QSOX2: variants seen among roughly 807,000 people sequenced by gnomAD.
The protein encoded by QSOX2 is sulfhydryl oxidase 2.
A neutral mutation model predicts 61.7 loss-of-function variants in QSOX2; 46 were observed. The observed-to-expected ratio is 0.75, with a 90% CI of 0.59 to 0.95. QSOX2 has a LOEUF of 0.95. QSOX2 is among the 40% of genes least tolerant of loss of function. QSOX2 has a pLI of 0.00. For synonymous variants in QSOX2, 383 were observed against 388.4 expected, an observed-to-expected ratio of 0.99 and a Z score of 0.16; for missense variants, 879 against 918.9, an observed-to-expected ratio of 0.96 and a Z score of 0.56.
Position 136,245,535 on chromosome 9 carries a change from C to G in QSOX2, c.269G>C (p.Trp90Ser), listed in dbSNP as rs1165501289. ...CGCGTAGCCGATGCAGTGGCCACAC[C>G]ACGACGAGTAGAACTGCACGAGCCA... is the stretch of plus-strand genomic sequence containing the variant. ...AAWLVQFYSS[W>S]CGHCIGYAPT... Residue 90 changes from tryptophan to serine, a missense_variant, in exon 1 of 12, where the codon TGG (tryptophan) becomes TCG (serine). By Grantham distance (177) the Trp-to-Ser change is radical. Transcript: ENST00000358701. 2.5e-6 allele frequency: 4 copies of G among 1,593,654 alleles called. No homozygotes were observed. In the African/African-American group the frequency reaches 5.4e-5, roughly 22 times the overall value.
In QSOX2 at chr9:136,216,668, G is replaced by T; in HGVS notation, c.1141C>A (p.Leu381Met). The T allele has an allele frequency of 6.2e-7, 1 of 1,613,954 alleles. No individual in the cohort carries two copies. The highest frequency in any genetic ancestry group is 8.5e-7 in the Non-Finnish European group (1 of 1,179,980). The change falls in exon 9 of 12, where the codon CTG (leucine) becomes ATG (methionine). Residue 381 changes from leucine to methionine, a missense_variant. Transcript: ENST00000358701. ...ATCCTGTCCAGGGGAAGGCTGGCCA[G>T]CCACTCCTGCAGCATCTCCAACAGC... ...KKLLEMLQEW[L>M]ASLPLDRIPY...
chr9:136,211,300 A>G lies in QSOX2; in HGVS notation c.1513T>C (p.Trp505Arg). The G allele has an allele frequency of 6.2e-7, 1 of 1,614,200 alleles. No homozygotes were observed. The highest frequency in any genetic ancestry group is 8.5e-7 in the Non-Finnish European group (1 of 1,180,034). Residue 505 changes from tryptophan (W) to arginine (R), a missense_variant, in exon 11 of 12, where the codon TGG (tryptophan) becomes CGG (arginine). Trp to Arg is a moderately radical substitution (Grantham distance 101). Transcript: ENST00000358701. ...KTPDQAILWL[W>R]KKHNMVNGRL... ...CCGTTCACCATATTATGCTTCTTCCACAGCCAGAGGATGGCTTGGTCTGGG... is the reference window on the plus strand; with the variant it reads ...CCGTTCACCATATTATGCTTCTTCCGCAGCCAGAGGATGGCTTGGTCTGGG...
chr9:136,209,008 G>A lies in QSOX2; in HGVS notation c.1817C>T (p.Thr606Ile), dbSNP rs573715778. Reference protein sequence around the residue: ...PPEVSHGDRDTQSVRPPGALG... With the variant: ...PPEVSHGDRDIQSVRPPGALG... ...TGCACCAGGTGGACGGACGCTCTGG[G>A]TGTCTCGGTCTCCATGGGACACCTC... Residue 606 changes from threonine (T) to isoleucine (I), a missense_variant, in exon 12 of 12, where the codon ACC becomes ATC. Physicochemically the swap from Thr to Ile is moderately conservative, Grantham distance 89. Transcript: ENST00000358701. The surrounding 1 kb of genome is among the most constrained non-coding windows in gnomAD (Gnocchi z 5.6). 2 of 1,613,972 alleles carry A rather than the reference G, an allele frequency of 1.2e-6. No individual in the cohort carries two copies. Among genetic ancestry groups the A allele is most frequent in the South Asian group, 2.2e-5 (2 of 91,088 alleles).
chr9:136,206,475 GAAAAT>G lies in QSOX2; in HGVS notation c.*2248_*2252del, dbSNP rs1003666966. Reference sequence around the variant, plus strand: ...TCTTTTTAATAAAAATCCTTCCACTGAAAATAAATAAGCATTTAAATTACTGAACT... The same window carrying G: ...TCTTTTTAATAAAAATCCTTCCACTGAAATAAGCATTTAAATTACTGAACT... On this transcript the variant is annotated 3_prime_UTR_variant, in exon 12 of 12. Transcript: ENST00000358701. 2.0e-5 allele frequency: 3 copies of G among 152,442 alleles called. No individual in the cohort carries two copies. Among genetic ancestry groups the G allele is most frequent in the Admixed American group, 2.0e-4 (3 of 15,270 alleles). The allele number at this position is 152,442 out of a possible 1,614,324, so 9.4% of individuals were successfully genotyped here.
rs1831821204 is a variant in QSOX2 at position 136,209,584 on chromosome 9, C to T, written c.1550-309G>A. 1.0e-6 allele frequency: 1 copy of T among 985,278 alleles called. No homozygotes were observed. Among genetic ancestry groups the T allele is most frequent in the South Asian group, 4.7e-5 (1 of 21,298 alleles). The allele number at this position is 985,278 out of a possible 1,614,324, so 61.0% of individuals were successfully genotyped here. ...ACCACACCTGTCCCAAACCACCCAG[C>T]ACTCCACTTCCAAAACGGAGCATGC... is the stretch of plus-strand genomic sequence containing the variant. On this transcript the variant is annotated intron_variant, in intron 11 of 11. Coordinates refer to ENST00000358701, the MANE Select transcript of QSOX2 (RefSeq NM_181701.4). The surrounding 1 kb of genome is among the most constrained non-coding windows in gnomAD (Gnocchi z 5.6).
At position 136,242,567 on chromosome 9, in the gene QSOX2, T is replaced by C. The variant is rs539760179; in HGVS notation, c.328+2909A>G. Among the ~76,000 whole-genome samples the C allele has an allele frequency of 9.2e-5, 14 of 152,382 alleles. No homozygotes were observed. The South Asian group carries it at 2.1e-3, about 23-fold the overall frequency. ...AGGGACATAAGAAAACATGAGAATG[T>C]TGACAACGGGAATGCCTGCATGCAG... On this transcript the variant is annotated intron_variant, in intron 1 of 11. Coordinates refer to ENST00000358701, the MANE Select transcript of QSOX2 (RefSeq NM_181701.4).
At position 136,222,715 on chromosome 9, in the gene QSOX2, C is replaced by T. The variant is rs1177121184; in HGVS notation, c.676-774G>A. On this transcript the variant is annotated intron_variant, in intron 5 of 11. Transcript: ENST00000358701. This position sits in a 1 kb window ranked among gnomAD's most constrained non-coding sequence, Gnocchi z 6.9. ...CTGCACGAGTGGAGCCTGGCTGCCCCGAACGCACCAGCATGCCAGGCAGGT... is the reference window on the plus strand; with the variant it reads ...CTGCACGAGTGGAGCCTGGCTGCCCTGAACGCACCAGCATGCCAGGCAGGT... Among the ~76,000 whole-genome samples the T allele has an allele frequency of 2.0e-5, 3 of 152,186 alleles. No homozygotes were observed. The highest frequency in any genetic ancestry group is 2.9e-5 in the Non-Finnish European group (2 of 68,028).
intron 9 of QSOX2, among the ~76,000 whole-genome samples, chr9:136,215,904 T>C (rs904651871): frequency 6.6e-6 from 1 of 152,216 alleles, no homozygotes; most frequent in African/African-American, 2.4e-5. Flanking sequence ...AGTGCTCCCA[T>C]GACCTCGAGC....
intron 10 of QSOX2, among the ~76,000 whole-genome samples, chr9:136,214,411 G>C (rs1484194826): frequency 1.3e-5 from 2 of 152,204 alleles, no homozygotes; most frequent in African/African-American, 4.8e-5. Context: ...GAATCTGACA[G>C]AGGTGATGGA....
chr9:136,233,138 C>T (rs375172366), intron 1 of QSOX2, among the ~76,000 whole-genome samples: 1 of 152,054 alleles, frequency 6.6e-6, no homozygotes, highest in East Asian at 1.9e-4. Flanking sequence ...CAGGACTGCC[C>T]TTAGCTATAA....
intron 10 of QSOX2, among the ~76,000 whole-genome samples, 177 bp downstream of exon 10, chr9:136,214,977 C>T (rs755450592): frequency 2.0e-5 from 3 of 152,272 alleles, no homozygotes; most frequent in Non-Finnish European, 4.4e-5. Flanking sequence ...CGTGCCCCCG[C>T]AGCCACAGCC....
chr9:136,215,364 A>G, intron 9 of QSOX2, 60 bp from the exon 10 acceptor site: 2 of 1,184,680 alleles, frequency 1.7e-6, no homozygotes, highest in South Asian at 2.6e-5. Flanking sequence ...GAAATTAAAA[A>G]CAGTCGACAG....
rs1228778827 is a variant in QSOX2 at position 136,245,791 on chromosome 9, C to A, written c.13G>T (p.Gly5Trp). Residue 5 changes from glycine (G) to tryptophan (W), a missense_variant, in exon 1 of 12, where the codon GGG becomes TGG. By Grantham distance (184) the Gly-to-Trp change is radical (BLOSUM62 -2). Coordinates refer to ENST00000358701, the MANE Select transcript of QSOX2 (RefSeq NM_181701.4). MAAA[G>W]AAVARSPGIG... ...CCCGGGCTGCGCGCCACCGCCGCCC[C>A]GGCCGCCGCCATGTTGGAAGTGCCG... 8.6e-6 allele frequency: 10 copies of A among 1,156,614 alleles called. No homozygotes were observed. The highest frequency in any genetic ancestry group is 1.1e-5 in the Non-Finnish European group (10 of 936,434). 71.6% of individuals were successfully genotyped at this position (1,156,614 alleles called of 1,614,324 possible).
At position 136,219,104 on chromosome 9, in the gene QSOX2, T is replaced by C. The variant is rs1831950455; in HGVS notation, c.882A>G (p.Lys294=). The C allele has an allele frequency of 6.2e-7, 1 of 1,614,134 alleles. No homozygotes were observed. Among genetic ancestry groups the C allele is most frequent in the East Asian group, 2.2e-5 (1 of 44,878 alleles). ...GCTTTTCAGGCAAGGGAAGCGATTTTTTCCTCACATCCGGCAATGACTTCA... is the reference window on the plus strand; with the variant it reads ...GCTTTTCAGGCAAGGGAAGCGATTTCTTCCTCACATCCGGCAATGACTTCA... ...SYLKSLPDVR[K]KSLPLPEKPH... is the part of the protein sequence containing the mutation. Residue 294 remains lysine (K), a synonymous_variant, in exon 7 of 12, where the codon AAA becomes AAG. Transcript: ENST00000358701.
intron 1 of QSOX2, among the ~76,000 whole-genome samples, chr9:136,245,007 G>A (rs1371423725): frequency 2.0e-5 from 3 of 152,174 alleles, no homozygotes; most frequent in African/African-American, 4.8e-5. Flanking sequence ...CTACGAGTGT[G>A]GAATAGGAAT....
intron 1 of QSOX2, among the ~76,000 whole-genome samples, chr9:136,233,245 G>T (rs527741918): frequency 8.5e-5 from 13 of 152,316 alleles, no homozygotes; most frequent in East Asian, 5.8e-4. Flanking sequence ...CACTTTTCCA[G>T]ATGCTTTGTC....
intron 1 of QSOX2, among the ~76,000 whole-genome samples, chr9:136,238,154 T>C (rs1830405496): frequency 6.6e-6 from 1 of 152,250 alleles, no homozygotes; most frequent in Non-Finnish European, 1.5e-5. Flanking sequence ...CCCAACATGA[T>C]GCTGAGAGGA....
rs1352504741 is a variant in QSOX2, at chr9:136,216,725, G to A, written c.1087-3C>T. ...ACTGGCGGCCGTCCAGGGAACAGCT[G>A]CATGAGGAAGGAGCCACCTGAGAGC... On this transcript the variant is annotated splice_region_variant and splice_polypyrimidine_tract_variant and intron_variant, in intron 8 of 11. Transcript: ENST00000358701. The A allele has an allele frequency of 1.9e-6, 3 of 1,613,038 alleles. No individual in the cohort carries two copies. Among genetic ancestry groups the A allele is most frequent in the African/African-American group, 2.7e-5 (2 of 74,934 alleles).
chr9:136,217,923 T>C (rs1219658309), intron 8 of QSOX2, among the ~76,000 whole-genome samples: 2 of 152,238 alleles, frequency 1.3e-5, no homozygotes, highest in East Asian at 1.9e-4. Flanking sequence ...CCTTCAAGAT[T>C]TCCTGTACTT....
Sources: gnomAD v4.1 joint callset for allele counts (sites outside exome capture counted in the v4.1 genomes callset) on GRCh38, gnomAD v4.1.1 for gene constraint, Gnocchi (gnomAD v3.1) non-coding constraint, MANE v1.5 for transcripts, NCBI Gene and HGNC (gene_info 2026-07-23, HGNC 2026-07-21) for gene names.